CEBPZOS: variants seen among roughly 807,000 people sequenced by gnomAD.
CEBPZOS encodes protein CEBPZOS.
A neutral mutation model predicts 4.8 loss-of-function variants in CEBPZOS; 10 were observed. The ratio of observed to expected loss-of-function variants is 2.07; its 90% CI spans 1.28 to 3.52. CEBPZOS has a LOEUF of 3.52. CEBPZOS is among the 30% of genes most tolerant of loss of function. The probability of loss-of-function intolerance (pLI) is 0.00; values close to 1 mark genes in which losing one functional copy is unlikely to be tolerated. For synonymous variants in CEBPZOS, 25 were observed against 14.2 expected (o/e 1.77, Z -1.72); for missense variants, 98 against 43.6 (o/e 2.25, Z -3.51).
chr2:37,215,978 A>G, downstream of CEBPZOS: 1 of 497,552 alleles, frequency 2.0e-6, no homozygotes, highest in East Asian at 3.4e-5. Flanking sequence ...AGGCCCAGTC[A>G]GATACAGTAG....
intron 1 of CEBPZOS, 151 bp downstream of exon 1, chr2:37,196,671 CGAGT>C (rs1558457507): frequency 1.3e-5 from 2 of 149,944 alleles, no homozygotes; most frequent in Non-Finnish European, 3.0e-5. Flanking sequence ...TCACTGGAGG[CGAGT>C]GTTTCCGGGT....
At chr2:37,214,547 C>G (rs1231796760), downstream of CEBPZOS, among the ~76,000 whole-genome samples, 1 of 151,640 alleles carries the variant, frequency 6.6e-6, no homozygotes, top group Non-Finnish European at 1.5e-5. Context: ...GGCTAAATTC[C>G]AAAAAGAAGC....
chr2:37,212,846 A>C (rs568435628), intron 4 of CEBPZOS, among the ~76,000 whole-genome samples: 2,712 of 149,632 alleles, frequency 0.018, 51 homozygotes, highest in African/African-American at 0.048. Context: ...AAAAAAAAAA[A>C]AAAAACAAAA....
intron 3 of CEBPZOS, 77 bp downstream of exon 3, chr2:37,201,169 A>T: frequency 5.9e-6 from 4 of 676,374 alleles, no homozygotes; most frequent in Non-Finnish European, 1.1e-5. Context: ...TAATTTCTTT[A>T]CAAGGAATTT....
chr2:37,202,036 A>G lies in CEBPZOS; in HGVS notation c.*176A>G, dbSNP rs1251594385. On this transcript the variant is annotated 3_prime_UTR_variant, in exon 5 of 5. Transcript: ENST00000402297. ...GGTTTCCCACCCACTATACAAACCC[A>G]CTGCTTGTTTGTTGCTTTTCTTCTC... 2 of 582,620 alleles carry G rather than the reference A, an allele frequency of 3.4e-6. No homozygotes were observed. Among genetic ancestry groups the G allele is most frequent in the African/African-American group, 3.8e-5 (2 of 52,676 alleles). 36.1% of individuals were successfully genotyped at this position (582,620 alleles called of 1,614,324 possible). A position where few individuals can be genotyped will look rare whatever the true frequency, so the allele number is the denominator to read the frequency against.
At chr2:37,209,535 G>C (rs1400453753), downstream of CEBPZOS, 6 of 152,014 alleles carry the variant, frequency 3.9e-5, no homozygotes. Context: ...CAAAAACAAA[G>C]TGGGGAAAGG....
At chr2:37,214,003 T>C (rs1416596502), downstream of CEBPZOS, 1 of 1,137,958 alleles carries the variant, frequency 8.8e-7, no homozygotes, top group African/African-American at 1.6e-5. Flanking sequence ...TTATTAAAGG[T>C]CTAATCTTAC....
downstream of CEBPZOS, among the ~76,000 whole-genome samples, chr2:37,208,656 G>C (rs947676930): frequency 6.6e-6 from 1 of 152,028 alleles, no homozygotes; most frequent in African/African-American, 2.4e-5. Flanking sequence ...AGTAATGAAA[G>C]CCATCTATGA....
chr2:37,197,336 T>C (rs1157217435), intron 1 of CEBPZOS: 1 of 152,272 alleles, frequency 6.6e-6, no homozygotes. Context: ...AAAACGTATA[T>C]GTATTTTTAA....
At chr2:37,213,527 TC>T (rs1677792269) in exon 5 of CEBPZOS, 1 of 174,710 alleles carries the variant, frequency 5.7e-6, no homozygotes, top group Non-Finnish European at 1.2e-5. Context: ...TTCTCGTGCC[TC>T]TGCTTCTCGA....
At position 37,201,038 on chromosome 2, in the gene CEBPZOS, T is replaced by G. The variant is rs528334367; in HGVS notation, c.116-10T>G. ...CATATCTAATTTCAAGACATCCTTT[T>G]TTCCATCAGATTTCAGGCAAACAAT... On this transcript the variant is annotated splice_polypyrimidine_tract_variant and intron_variant, in intron 2 of 4. Transcript: ENST00000402297. 1 of 715,378 alleles carries G rather than the reference T, an allele frequency of 1.4e-6. No homozygotes were observed. The highest frequency in any genetic ancestry group is 1.5e-5 in the South Asian group (1 of 66,822). The allele number at this position is 715,378 out of a possible 1,614,324, so 44.3% of individuals were successfully genotyped here. A position where few individuals can be genotyped will look rare whatever the true frequency, so the allele number is the denominator to read the frequency against.
downstream of CEBPZOS, chr2:37,215,078 C>A: frequency 1.5e-6 from 1 of 660,912 alleles, no homozygotes; most frequent in Non-Finnish European, 2.7e-6. Flanking sequence ...GGAAGGTAGA[C>A]AGAAGGGACT....
At chr2:37,216,053 G>T, downstream of CEBPZOS, 1 of 1,005,896 alleles carries the variant, frequency 9.9e-7, no homozygotes, top group South Asian at 1.7e-5. Context: ...GTTTTATTCT[G>T]ATAAATTAGA....
In CEBPZOS at chr2:37,203,749, T is replaced by C. The variant is rs781657355; in HGVS notation, c.*1889T>C. ...CCTCCAACCCATCTCCGATCTATCTTGTTTCTATGACTTGCCTTTTCTGGC... is the reference window on the plus strand; with the variant it reads ...CCTCCAACCCATCTCCGATCTATCTCGTTTCTATGACTTGCCTTTTCTGGC... On this transcript the variant is annotated 3_prime_UTR_variant, in exon 5 of 5. Transcript: ENST00000402297. 2.0e-5 allele frequency: 3 copies of C among 152,256 alleles called. No homozygotes were observed. Among genetic ancestry groups the C allele is most frequent in the Non-Finnish European group, 2.9e-5 (2 of 68,042 alleles). 9.4% of individuals were successfully genotyped at this position (152,256 alleles called of 1,614,324 possible). A position where few individuals can be genotyped will look rare whatever the true frequency, so the allele number is the denominator to read the frequency against.
chr2:37,202,843 T>C lies in CEBPZOS; in HGVS notation c.*983T>C. The C allele has an allele frequency of 1.2e-6, 2 of 1,602,454 alleles. No individual in the cohort carries two copies. Among genetic ancestry groups the C allele is most frequent in the Non-Finnish European group, 1.7e-6 (2 of 1,174,814 alleles). On this transcript the variant is annotated 3_prime_UTR_variant, in exon 5 of 5. Transcript: ENST00000402297. The stretch of plus-strand genomic sequence containing the variant: ...AATGTTATCAAACTTGGATCCCATA[T>C]TTTCATCCAATAGATGGCCAAACTT...
intron 4 of CEBPZOS, chr2:37,210,929 T>G: frequency 9.2e-7 from 1 of 1,081,370 alleles, no homozygotes; most frequent in Non-Finnish European, 1.3e-6. Context: ...GGAGAGTTCA[T>G]TTCCCAAAAT....
chr2:37,198,791 T>C (rs1376261195), intron 1 of CEBPZOS: 1 of 152,200 alleles, frequency 6.6e-6, no homozygotes, highest in East Asian at 1.9e-4. Flanking sequence ...GGTCTGTAGT[T>C]TTGCCACTTA....
chr2:37,210,935 A>C, intron 4 of CEBPZOS: 1 of 1,216,888 alleles, frequency 8.2e-7, no homozygotes. Context: ...TTCATTTCCC[A>C]AAATGATAAT....
chr2:37,205,274 C>T (rs760756170), downstream of CEBPZOS, among the ~76,000 whole-genome samples: 5 of 151,360 alleles, frequency 3.3e-5, no homozygotes, highest in East Asian at 1.9e-4. Context: ...GTGACCTGCA[C>T]GCACACATCC....
Sources: allele counts gnomAD v4.1 joint callset (sites outside exome capture counted in the v4.1 genomes callset), GRCh38; gene constraint gnomAD v4.1.1; transcripts MANE v1.5; gene names NCBI Gene and HGNC (gene_info 2026-07-23, HGNC 2026-07-21).